Variants in RBFOX1 observed in about 807,000 individuals in gnomAD.
RBFOX1 encodes RNA binding fox-1 homolog 1.
In RBFOX1, 8 loss-of-function variants were observed where a neutral mutation model predicts 57.7. The observed-to-expected ratio is 0.14, with a 90% CI of 0.08 to 0.25. The LOEUF (loss-of-function observed/expected upper bound fraction) is 0.25, where lower values mean the gene tolerates loss of function less well. Ranked by LOEUF, RBFOX1 falls within the 10% of genes least tolerant of loss-of-function variation. The pLI is 1.00. For synonymous variants in RBFOX1, 326 were observed against 222.4 expected (o/e 1.47, Z -4.15); for missense variants, 611 against 548.5 (o/e 1.11, Z -1.14).
At chr16:5,447,378 A>ATTCTC (rs1555521590) in intron 1 of RBFOX1, among the ~76,000 whole-genome samples, 2 of 134,360 alleles carry the variant, frequency 1.5e-5, no homozygotes, top group African/African-American at 6.0e-5. Flanking sequence ...CAATCAATCA[A>ATTCTC]TCTCTCTCTC....
intron 13 of RBFOX1, among the ~76,000 whole-genome samples, chr16:7,667,701 G>C (rs2069848143): frequency 6.6e-6 from 1 of 151,908 alleles, no homozygotes; most frequent in Non-Finnish European, 1.5e-5. Flanking sequence ...TATATTTTTT[G>C]AGACAGACTC....
At chr16:7,277,366 C>G (rs1032251868) in intron 4 of RBFOX1, among the ~76,000 whole-genome samples, 6 of 152,122 alleles carry the variant, frequency 3.9e-5, no homozygotes, top group African/African-American at 1.4e-4. Context: ...CTTTAGAAAA[C>G]CTTTCCTGAA....
intron 1 of RBFOX1, among the ~76,000 whole-genome samples, chr16:5,463,008 A>G (rs534256454): frequency 6.6e-6 from 1 of 152,354 alleles, no homozygotes; most frequent in South Asian, 2.1e-4. Flanking sequence ...TGAGCAGATC[A>G]ACATCTAATC....
intron 1 of RBFOX1, among the ~76,000 whole-genome samples, chr16:6,134,498 C>T (rs1450134250): frequency 1.3e-5 from 2 of 152,100 alleles, no homozygotes; most frequent in African/African-American, 2.4e-5. Context: ...GTAAATCTGC[C>T]TGATCCTGTG....
intron 2 of RBFOX1, among the ~76,000 whole-genome samples, chr16:6,413,200 T>A (rs2152974939): frequency 6.6e-6 from 1 of 151,334 alleles, no homozygotes; most frequent in Non-Finnish European, 1.5e-5. Flanking sequence ...ATGCCTGTAA[T>A]CCCAGAGACT....
intron 4 of RBFOX1, among the ~76,000 whole-genome samples, chr16:7,469,692 C>G (rs1212828704): frequency 6.6e-6 from 1 of 152,166 alleles, no homozygotes; most frequent in Non-Finnish European, 1.5e-5. Context: ...CCACATTGAA[C>G]ATGGAAATTT....
intron 3 of RBFOX1, among the ~76,000 whole-genome samples, chr16:5,798,103 G>T (rs1462746720): frequency 6.6e-6 from 1 of 152,128 alleles, no homozygotes; most frequent in African/African-American, 2.4e-5. Context: ...TAACCTTTCT[G>T]AATTTCCATT....
At chr16:5,364,694 C>G (rs1196981726) in intron 1 of RBFOX1, among the ~76,000 whole-genome samples, 1 of 152,210 alleles carries the variant, frequency 6.6e-6, no homozygotes, top group Non-Finnish European at 1.5e-5. Flanking sequence ...TGGGTACCTG[C>G]TTCTCTTTAG....
intron 4 of RBFOX1, among the ~76,000 whole-genome samples, chr16:5,940,446 C>A (rs892489260): frequency 6.6e-6 from 1 of 152,194 alleles, no homozygotes; most frequent in Admixed American, 6.5e-5. Context: ...TTGGAGGGAC[C>A]TTTCCAAGGT....
At chr16:6,400,115 A>G (rs1596613067) in intron 2 of RBFOX1, among the ~76,000 whole-genome samples, 1 of 152,204 alleles carries the variant, frequency 6.6e-6, no homozygotes, top group Non-Finnish European at 1.5e-5. Context: ...TTGACCTATG[A>G]CATTTATAGA....
chr16:6,001,089 AAATT>A (rs1273939498), intron 4 of RBFOX1, among the ~76,000 whole-genome samples: 8 of 152,116 alleles, frequency 5.3e-5, no homozygotes, highest in African/African-American at 1.9e-4. Context: ...ATTTAAATTA[AAATT>A]AATTAAAATA....
At chr16:5,460,623 A>C (rs561404348) in intron 1 of RBFOX1, among the ~76,000 whole-genome samples, 6 of 152,350 alleles carry the variant, frequency 3.9e-5, no homozygotes, top group African/African-American at 1.4e-4. Context: ...TGTCACAGCA[A>C]CATGCTTTCC....
chr16:6,348,870 A>C (rs1399767056), intron 2 of RBFOX1, among the ~76,000 whole-genome samples: 1 of 152,180 alleles, frequency 6.6e-6, no homozygotes, highest in African/African-American at 2.4e-5. Context: ...CACAGATCCA[A>C]ACCATATCAG....
intron 3 of RBFOX1, among the ~76,000 whole-genome samples, chr16:6,815,580 T>A (rs1433561745): frequency 2.0e-5 from 3 of 152,216 alleles, no homozygotes; most frequent in African/African-American, 7.2e-5. Context: ...CATTTAATCC[T>A]CCCGTCATTA....
At chr16:7,293,815 A>G (rs1419530231) in intron 4 of RBFOX1, among the ~76,000 whole-genome samples, 13 of 152,130 alleles carry the variant, frequency 8.5e-5, no homozygotes, top group African/African-American at 4.8e-5. Context: ...ACCTCCAACA[A>G]TCATCAGACT....
intron 3 of RBFOX1, among the ~76,000 whole-genome samples, chr16:5,825,062 G>A (rs1490342716): frequency 6.6e-6 from 1 of 152,206 alleles, no homozygotes; most frequent in African/African-American, 2.4e-5. Context: ...GTTTGACTAA[G>A]AAGTTAGACT....
chr16:7,131,364 T>TAAAA (rs35050100), intron 4 of RBFOX1, among the ~76,000 whole-genome samples: 3 of 83,300 alleles, frequency 3.6e-5, no homozygotes, highest in Admixed American at 1.2e-4. Flanking sequence ...TTTTTTTTTT[T>TAAAA]AAAAAAAAAA....
chr16:6,204,177 C>T (rs1169825090), intron 1 of RBFOX1, among the ~76,000 whole-genome samples: 1 of 152,130 alleles, frequency 6.6e-6, no homozygotes, highest in Non-Finnish European at 1.5e-5. Context: ...CCCTTTTCCT[C>T]CCCTACCCTC....
intron 2 of RBFOX1, among the ~76,000 whole-genome samples, chr16:6,582,791 C>G (rs569194332): frequency 6.6e-6 from 1 of 151,372 alleles, no homozygotes; most frequent in Non-Finnish European, 1.5e-5. Flanking sequence ...CCCTTCCCTC[C>G]CCTTTCCTAG....
Sources: gnomAD v4.1 joint callset for allele counts (sites outside exome capture counted in the v4.1 genomes callset) on GRCh38, gnomAD v4.1.1 for gene constraint, MANE v1.5 for transcripts, NCBI Gene and HGNC (gene_info 2026-07-23, HGNC 2026-07-21) for gene names.